ADGRA3: variants seen among roughly 807,000 people sequenced by gnomAD.
The protein encoded by ADGRA3 is adhesion G protein-coupled receptor A3.
A neutral mutation model predicts 119.8 loss-of-function variants in ADGRA3; 56 were observed. The observed-to-expected ratio is 0.47, with a 90% CI of 0.38 to 0.58. The LOEUF (loss-of-function observed/expected upper bound fraction) is 0.58, where lower values mean the gene tolerates loss of function less well. ADGRA3 is among the 20% of genes least tolerant of loss of function. The pLI is 0.00. For synonymous variants in ADGRA3, 607 were observed against 623.8 expected, an observed-to-expected ratio of 0.97 and a Z score of 0.40; for missense variants, 1,516 against 1,649.0, an observed-to-expected ratio of 0.92 and a Z score of 1.40.
intron 1 of ADGRA3, among the ~76,000 whole-genome samples, chr4:22,480,015 G>C (rs1467590908): frequency 2.0e-5 from 3 of 152,160 alleles, no homozygotes; most frequent in African/African-American, 7.2e-5. Context: ...GGCTAGAGGA[G>C]GGAGAGCATT....
chr4:22,515,749 C>T lies in ADGRA3; in HGVS notation c.36G>A (p.Gln12=), dbSNP rs1339427913. The T allele has an allele frequency of 3.9e-6, 4 of 1,029,694 alleles. No homozygotes were observed. Among genetic ancestry groups the T allele is most frequent in the Non-Finnish European group, 4.6e-6 (4 of 863,582 alleles). 63.8% of individuals were successfully genotyped at this position (1,029,694 alleles called of 1,614,324 possible). A position where few individuals can be genotyped will look rare whatever the true frequency, so the allele number is the denominator to read the frequency against. The change falls in exon 1 of 19, where the codon CAG becomes CAA. Residue 12 remains glutamine (Q), a synonymous_variant. Transcript: ENST00000334304. ...GCGAGAGCGGCAGCAACAGCGGCGG[C>T]TGCGCGCGGCCCCGCCGGCGTCCGG... The part of the protein sequence containing the change: ...EPPGRRRGRA[Q]PPLLLPLSLL...
At chr4:22,513,860 A>AC (rs1553883949) in intron 1 of ADGRA3, among the ~76,000 whole-genome samples, 84 of 141,656 alleles carry the variant, frequency 5.9e-4, no homozygotes, top group Admixed American at 1.1e-3. Flanking sequence ...AAAAAAAAAA[A>AC]AAAAAAAAAA....
intron 1 of ADGRA3, among the ~76,000 whole-genome samples, chr4:22,485,843 T>G (rs1185096729): frequency 6.6e-6 from 1 of 152,176 alleles, no homozygotes; most frequent in East Asian, 1.9e-4. Flanking sequence ...CTAAATGGCC[T>G]TGTTGCAGAA....
intron 7 of ADGRA3, among the ~76,000 whole-genome samples, chr4:22,441,739 C>T (rs59022936): frequency 0.04 from 6,082 of 152,032 alleles, 196 homozygotes; most frequent in East Asian, 0.18. Context: ...ACAAGATTGC[C>T]CACATGTTGG....
At chr4:22,457,976 C>A (rs921495370) in intron 3 of ADGRA3, among the ~76,000 whole-genome samples, 2 of 152,016 alleles carry the variant, frequency 1.3e-5, no homozygotes, top group African/African-American at 4.8e-5. Context: ...GCTGTGACTA[C>A]AACAGTGTGG....
At chr4:22,470,779 C>T (rs1717830533) in intron 2 of ADGRA3, among the ~76,000 whole-genome samples, 2 of 152,212 alleles carry the variant, frequency 1.3e-5, no homozygotes, top group Non-Finnish European at 1.5e-5. Flanking sequence ...CCAGAATGCA[C>T]CAGCAGAAAA....
intron 1 of ADGRA3, among the ~76,000 whole-genome samples, chr4:22,496,018 G>A (rs1188735653): frequency 6.6e-6 from 1 of 151,998 alleles, no homozygotes; most frequent in Non-Finnish European, 1.5e-5. Flanking sequence ...GATACCAACA[G>A]CTGTTAAACA....
chr4:22,438,500 T>C, intron 7 of ADGRA3, 80 bp from the exon 8 acceptor site: 1 of 1,120,166 alleles, frequency 8.9e-7, no homozygotes, highest in Non-Finnish European at 1.3e-6. Context: ...AATCATTAAT[T>C]TAGCAAATAT....
At chr4:22,484,926 A>C (rs1718384013) in intron 1 of ADGRA3, among the ~76,000 whole-genome samples, 1 of 151,850 alleles carries the variant, frequency 6.6e-6, no homozygotes, top group Non-Finnish European at 1.5e-5. Context: ...CTTAGTTCCA[A>C]CCTTCACATT....
At chr4:22,417,875 G>C (rs1469126991) in intron 12 of ADGRA3, among the ~76,000 whole-genome samples, 1 of 152,142 alleles carries the variant, frequency 6.6e-6, no homozygotes, top group African/African-American at 2.4e-5. Flanking sequence ...ATAATGACTA[G>C]CCTGAAAAAT....
rs59015584 is a variant in ADGRA3 at position 22,513,845 on chromosome 4, C to CAAAAAAAAA, written c.257+1674_257+1682dup. 7.6e-4 allele frequency among the ~76,000 whole-genome samples: 24 copies of CAAAAAAAAA among 31,478 alleles called. 3 individuals carry two copies. Among genetic ancestry groups the CAAAAAAAAA allele is most frequent in the African/African-American group, 2.1e-3 (21 of 10,144 alleles). 20.7% of individuals were successfully genotyped at this position (31,478 alleles called of 152,430 possible). On this transcript the variant is annotated intron_variant, in intron 1 of 18. Coordinates refer to ENST00000334304, the MANE Select transcript of ADGRA3 (RefSeq NM_145290.4). ...TATTTTCATCTAAAAAGCTTTCAGG[C>CAAAAAAAAA]AAAAAAAAAAAAAAAAAAAAAAAAA... is the stretch of plus-strand genomic sequence containing the variant.
intron 16 of ADGRA3, chr4:22,393,439 GAT>G (rs1229132982): frequency 6.6e-6 from 1 of 152,192 alleles, no homozygotes; most frequent in African/African-American, 2.4e-5. Flanking sequence ...AGAGACCTGA[GAT>G]ATGATTCAGA....
chr4:22,404,681 G>A (rs73800935), intron 14 of ADGRA3, among the ~76,000 whole-genome samples: 1,735 of 152,304 alleles, frequency 0.011, 33 homozygotes, highest in African/African-American at 0.039. Context: ...AAAGGGAAAA[G>A]ACCAGAGAAA....
intron 12 of ADGRA3, among the ~76,000 whole-genome samples, chr4:22,415,582 G>A (rs186741546): frequency 1.5e-4 from 23 of 152,040 alleles, no homozygotes; most frequent in African/African-American, 3.4e-4. Context: ...GTTCAAAATC[G>A]TGATAAAGTA....
chr4:22,445,250 T>A, intron 5 of ADGRA3, 117 bp from the exon 6 acceptor site: 1 of 827,666 alleles, frequency 1.2e-6, no homozygotes, highest in Non-Finnish European at 1.9e-6. Flanking sequence ...ATACCATGCC[T>A]AAAGTACATT....
At chr4:22,464,415 C>A (rs1351270391) in intron 2 of ADGRA3, among the ~76,000 whole-genome samples, 2 of 152,184 alleles carry the variant, frequency 1.3e-5, no homozygotes, top group Non-Finnish European at 2.9e-5. Flanking sequence ...CAGGTAAACT[C>A]ACAAATCCCA....
chr4:22,484,605 C>CAAAAAAA (rs200272320), intron 1 of ADGRA3, among the ~76,000 whole-genome samples: 1 of 98,884 alleles, frequency 1.0e-5, no homozygotes. Flanking sequence ...ACCCTGTTTC[C>CAAAAAAA]AAAAAAAAAA....
intron 1 of ADGRA3, among the ~76,000 whole-genome samples, chr4:22,496,865 A>G (rs547786189): frequency 6.6e-6 from 1 of 152,322 alleles, no homozygotes; most frequent in South Asian, 2.1e-4. Flanking sequence ...CACATGTGCC[A>G]CCACCCCCCA....
chr4:22,424,908 C>T (rs145427799), intron 10 of ADGRA3, among the ~76,000 whole-genome samples: 111 of 152,200 alleles, frequency 7.3e-4, no homozygotes, highest in African/African-American at 2.6e-3. Context: ...CCCATATCTA[C>T]TAAAAATACA....
Sources: gnomAD v4.1 joint callset for allele counts (sites outside exome capture counted in the v4.1 genomes callset) on GRCh38, gnomAD v4.1.1 for gene constraint, MANE v1.5 for transcripts, NCBI Gene and HGNC (gene_info 2026-07-23, HGNC 2026-07-21) for gene names.